DOCK3: variants seen among roughly 807,000 people sequenced by gnomAD.
The protein encoded by DOCK3 is dedicator of cytokinesis protein 3.
In DOCK3, 60 loss-of-function variants were observed where a neutral mutation model predicts 265.6. The ratio of observed to expected loss-of-function variants is 0.23; its 90% CI spans 0.18 to 0.28. The LOEUF is 0.28. Ranked by LOEUF, DOCK3 falls within the 10% of genes least tolerant of loss-of-function variation. The probability of loss-of-function intolerance (pLI) is 1.00; values close to 1 mark genes in which losing one functional copy is unlikely to be tolerated. For synonymous variants in DOCK3, 881 were observed against 938.0 expected (o/e 0.94, Z 1.11); for missense variants, 1,981 against 2,594.3 (o/e 0.76, Z 5.14).
intron 1 of DOCK3, among the ~76,000 whole-genome samples, chr3:50,757,074 A>G (rs1307737961): frequency 6.6e-6 from 1 of 151,202 alleles, no homozygotes; most frequent in African/African-American, 2.4e-5. Context: ...GCTGATCTTG[A>G]ACTCCTGGGC....
chr3:51,201,936 G>A (rs1355244302), intron 12 of DOCK3, among the ~76,000 whole-genome samples: 4 of 152,094 alleles, frequency 2.6e-5, no homozygotes, highest in Non-Finnish European at 5.9e-5. Context: ...GGTACATAAA[G>A]AAATGAAGGC....
chr3:50,779,411 C>G (rs965574798), intron 2 of DOCK3, among the ~76,000 whole-genome samples: 1 of 151,862 alleles, frequency 6.6e-6, no homozygotes, highest in African/African-American at 2.4e-5. Context: ...GAGAGGGAGC[C>G]TTGCTCTTGT....
At chr3:50,967,931 G>C (rs1279731430) in intron 5 of DOCK3, among the ~76,000 whole-genome samples, 2 of 152,102 alleles carry the variant, frequency 1.3e-5, no homozygotes, top group South Asian at 4.2e-4. Flanking sequence ...TGGTAGTTCT[G>C]TTTTCAGTTG....
chr3:51,143,503 C>T (rs1470244460), intron 9 of DOCK3, among the ~76,000 whole-genome samples: 2 of 152,104 alleles, frequency 1.3e-5, no homozygotes, highest in East Asian at 1.9e-4. Context: ...CTCCTGACCT[C>T]AGGAGATCTA....
chr3:51,133,830 C>G (rs866491041), intron 9 of DOCK3, among the ~76,000 whole-genome samples: 2 of 152,084 alleles, frequency 1.3e-5, no homozygotes, highest in African/African-American at 2.4e-5. Flanking sequence ...GGGAAGGGTG[C>G]AGGATTGAGA....
chr3:51,208,290 T>A (rs2089326225), intron 12 of DOCK3, among the ~76,000 whole-genome samples: 1 of 152,230 alleles, frequency 6.6e-6, no homozygotes, highest in Non-Finnish European at 1.5e-5. Flanking sequence ...CATAGCTTCA[T>A]GCAAATAGTA....
intron 5 of DOCK3, 59 bp downstream of exon 5, chr3:50,934,136 A>G (rs546927855): frequency 1.7e-6 from 2 of 1,189,698 alleles, no homozygotes; most frequent in East Asian, 2.5e-5. Flanking sequence ...AAGTAAAAAT[A>G]TTAAACTATG....
intron 4 of DOCK3, among the ~76,000 whole-genome samples, chr3:50,921,637 T>A (rs1177775077): frequency 6.6e-6 from 1 of 152,148 alleles, no homozygotes; most frequent in Non-Finnish European, 1.5e-5. Context: ...GGTGCTCTGA[T>A]TTTTAGAATT....
Position 51,315,052 on chromosome 3 carries a change from A to G in DOCK3, c.3326A>G (p.Glu1109Gly), listed in dbSNP as rs1490905724. The G allele has an allele frequency of 6.2e-7, 1 of 1,613,098 alleles. No homozygotes were observed. The highest frequency in any genetic ancestry group is 2.2e-5 in the East Asian group (1 of 44,832). Residue 1109 changes from glutamate to glycine, a missense_variant, in exon 32 of 53, where the codon GAA becomes GGA. Coordinates refer to ENST00000266037, the MANE Select transcript of DOCK3 (RefSeq NM_004947.5). ...FLGVTLVPQP[E>G]VRNIMIPIFH... is the part of the protein sequence containing the mutation. ...GGTGTGACACTGGTCCCACAGCCAG[A>G]AGTACGGAATATCATGATTCCCATC...
intron 9 of DOCK3, among the ~76,000 whole-genome samples, chr3:51,111,679 C>A (rs983852965): frequency 2.6e-5 from 4 of 152,014 alleles, no homozygotes; most frequent in African/African-American, 4.8e-5. Flanking sequence ...GATGAAAACA[C>A]CAAAAGCAAT....
intron 49 of DOCK3, among the ~76,000 whole-genome samples, chr3:51,364,448 C>T (rs1341490673): frequency 1.3e-5 from 2 of 152,106 alleles, no homozygotes; most frequent in Non-Finnish European, 2.9e-5. Flanking sequence ...TGCCTTTTCA[C>T]TCTCATGGTA....
intron 9 of DOCK3, among the ~76,000 whole-genome samples, chr3:51,103,049 A>G (rs2083146110): frequency 6.6e-6 from 1 of 152,174 alleles, no homozygotes; most frequent in Non-Finnish European, 1.5e-5. Flanking sequence ...TACACTTTAT[A>G]TGGACTCTTC....
At chr3:51,135,675 T>C (rs2084758570) in intron 9 of DOCK3, among the ~76,000 whole-genome samples, 1 of 152,186 alleles carries the variant, frequency 6.6e-6, no homozygotes, top group Non-Finnish European at 1.5e-5. Context: ...CTGTGTTGCA[T>C]GGCACCTCTG....
At chr3:50,776,293 G>A (rs760869926) in intron 1 of DOCK3, among the ~76,000 whole-genome samples, 19 of 151,930 alleles carry the variant, frequency 1.3e-4, no homozygotes, top group Non-Finnish European at 2.6e-4. Flanking sequence ...TGCAGAAGGT[G>A]GTGTCTTATT....
chr3:51,338,208 C>T, intron 35 of DOCK3, 151 bp from the exon 36 acceptor site: 1 of 753,542 alleles, frequency 1.3e-6, no homozygotes, highest in Non-Finnish European at 2.2e-6. Flanking sequence ...AAGGAGCTCA[C>T]AGTAGAGTCC....
chr3:50,827,552 A>C (rs985612258), intron 2 of DOCK3, among the ~76,000 whole-genome samples: 1 of 152,196 alleles, frequency 6.6e-6, no homozygotes, highest in Non-Finnish European at 1.5e-5. Flanking sequence ...TTAGGTTTCA[A>C]CATATGAATT....
chr3:51,029,209 T>A (rs1376872569), intron 5 of DOCK3, among the ~76,000 whole-genome samples: 1 of 152,234 alleles, frequency 6.6e-6, no homozygotes, highest in African/African-American at 2.4e-5. Flanking sequence ...GATAGGTTCA[T>A]GTAGTCATTT....
chr3:51,104,193 C>T (rs963992887), intron 9 of DOCK3, among the ~76,000 whole-genome samples: 46 of 152,272 alleles, frequency 3.0e-4, no homozygotes, highest in Middle Eastern at 6.8e-3. Context: ...TTCAGAAGCT[C>T]TCAGGCAGAA....
intron 7 of DOCK3, among the ~76,000 whole-genome samples, chr3:51,084,145 T>G (rs2082335888): frequency 6.6e-6 from 1 of 151,988 alleles, no homozygotes; most frequent in Non-Finnish European, 1.5e-5. Flanking sequence ...GGAGAAGGCA[T>G]GGGCAAAGAT....
Sources: allele counts gnomAD v4.1 joint callset (sites outside exome capture counted in the v4.1 genomes callset), GRCh38; gene constraint gnomAD v4.1.1; transcripts MANE v1.5; gene names NCBI Gene and HGNC (gene_info 2026-07-23, HGNC 2026-07-21).